Variants in TAFA5 observed in about 807,000 individuals in gnomAD.
TAFA5 encodes chemokine-like protein TAFA-5.
Under a neutral mutation model 15.3 loss-of-function variants are expected in TAFA5, and 6 were observed. The observed-to-expected ratio is 0.39, with a 90% confidence interval of 0.21 to 0.77. The LOEUF (loss-of-function observed/expected upper bound fraction) is 0.77, where lower values mean the gene tolerates loss of function less well. Ranked by LOEUF, TAFA5 falls within the 30% of genes least tolerant of loss-of-function variation. The pLI is 0.41. For synonymous variants in TAFA5, 103 were observed against 80.7 expected (o/e 1.28, Z -1.48); for missense variants, 161 against 193.1 (o/e 0.83, Z 0.98).
intron 3 of TAFA5, among the ~76,000 whole-genome samples, chr22:48,730,582 C>T (rs193114396): frequency 6.6e-6 from 1 of 152,194 alleles, no homozygotes; most frequent in Non-Finnish European, 1.5e-5. Context: ...ATGTTTTCAA[C>T]AGCGTATGCT....
intron 3 of TAFA5, among the ~76,000 whole-genome samples, chr22:48,724,222 G>A (rs1191677808): frequency 6.6e-6 from 1 of 152,238 alleles, no homozygotes; most frequent in African/African-American, 2.4e-5. Flanking sequence ...TCAGGGTACT[G>A]CTTGCATTGC....
At chr22:48,692,661 C>G (rs1166285222) in intron 2 of TAFA5, among the ~76,000 whole-genome samples, 1 of 152,216 alleles carries the variant, frequency 6.6e-6, no homozygotes, top group Non-Finnish European at 1.5e-5. Context: ...GCAGTGGCAG[C>G]AGGGCACAGC....
intron 1 of TAFA5, among the ~76,000 whole-genome samples, chr22:48,558,684 C>T (rs939945306): frequency 2.6e-5 from 4 of 152,174 alleles, no homozygotes; most frequent in East Asian, 1.9e-4. Flanking sequence ...GACTCGAATG[C>T]GGAGACATGG....
At chr22:48,671,239 C>T (rs1007619932) in intron 2 of TAFA5, among the ~76,000 whole-genome samples, 1 of 152,170 alleles carries the variant, frequency 6.6e-6, no homozygotes, top group Non-Finnish European at 1.5e-5. Context: ...GCCAGGAGGA[C>T]CAGAATGAGC....
chr22:48,616,504 C>G (rs28464561), intron 1 of TAFA5, among the ~76,000 whole-genome samples: 1 of 151,666 alleles, frequency 6.6e-6, no homozygotes, highest in Non-Finnish European at 1.5e-5. Context: ...CCCATGCACT[C>G]GGGATGCTCC....
At chr22:48,702,106 G>T (rs1928926092) in intron 2 of TAFA5, among the ~76,000 whole-genome samples, 1 of 144,308 alleles carries the variant, frequency 6.9e-6, no homozygotes, top group African/African-American at 2.7e-5. Context: ...CTGCAAGAGG[G>T]CACACAGTGG....
chr22:48,575,014 G>A (rs1247512929), intron 1 of TAFA5, among the ~76,000 whole-genome samples: 2 of 152,108 alleles, frequency 1.3e-5, no homozygotes, highest in Admixed American at 6.5e-5. Context: ...GCAGGTGTGA[G>A]TGTGTTTGTG....
chr22:48,493,720 T>G (rs1363581736), intron 1 of TAFA5, among the ~76,000 whole-genome samples: 1 of 152,240 alleles, frequency 6.6e-6, no homozygotes, highest in African/African-American at 2.4e-5. Flanking sequence ...GGATTTCTTT[T>G]AGCCGACATC....
intron 1 of TAFA5, among the ~76,000 whole-genome samples, chr22:48,633,532 G>GTCTGTCTGTCTGTCTCTCTCTCTC (rs1555894461): frequency 7.2e-6 from 1 of 138,768 alleles, no homozygotes; most frequent in East Asian, 2.3e-4. Context: ...CTGTCTGTCT[G>GTCTGTCTGTCTGTCTCTCTCTCTC]TCTCTCCCTC....
intron 1 of TAFA5, among the ~76,000 whole-genome samples, chr22:48,634,250 A>C (rs1283096024): frequency 6.6e-6 from 1 of 151,846 alleles, no homozygotes; most frequent in Non-Finnish European, 1.5e-5. Flanking sequence ...TCACTTATTC[A>C]ATCATTTACT....
At chr22:48,531,556 C>T (rs1921973282) in intron 1 of TAFA5, among the ~76,000 whole-genome samples, 2 of 152,120 alleles carry the variant, frequency 1.3e-5, no homozygotes, top group Admixed American at 6.5e-5. Context: ...TTGGCATTGG[C>T]GTCAGGTTGG....
intron 1 of TAFA5, among the ~76,000 whole-genome samples, chr22:48,615,143 A>G (rs56768617): frequency 6.6e-6 from 1 of 152,078 alleles, no homozygotes; most frequent in African/African-American, 2.4e-5. Flanking sequence ...TCCTGAACCC[A>G]GGCTGCCTGG....
intron 2 of TAFA5, among the ~76,000 whole-genome samples, chr22:48,667,411 C>T (rs941088031): frequency 2.0e-5 from 3 of 152,178 alleles, no homozygotes; most frequent in African/African-American, 7.2e-5. Context: ...TAATAAAATT[C>T]CATTTCCTGA....
At position 48,588,858 on chromosome 22, in the gene TAFA5, G is replaced by A. The variant is rs146356579; in HGVS notation, c.113-57739G>A. 1.6e-4 allele frequency among the ~76,000 whole-genome samples: 24 copies of A among 152,158 alleles called. No individual in the cohort carries two copies. In the East Asian group the frequency reaches 3.1e-3, roughly 20 times the overall value. On this transcript the variant is annotated intron_variant, in intron 1 of 3. Transcript: ENST00000402357. Reference sequence around the variant, plus strand: ...CCGCATGGAGCCAACCTGGCCCCCCGTGATCTTCCCTGGGTATATTTAGAA... The same window carrying A: ...CCGCATGGAGCCAACCTGGCCCCCCATGATCTTCCCTGGGTATATTTAGAA...
chr22:48,666,221 C>A (rs1305199686), intron 2 of TAFA5, among the ~76,000 whole-genome samples: 2 of 152,248 alleles, frequency 1.3e-5, no homozygotes, highest in African/African-American at 2.4e-5. Context: ...GTTCTGGGGC[C>A]ATGTCTTCCC....
At chr22:48,635,636 C>T (rs942163377) in intron 1 of TAFA5, among the ~76,000 whole-genome samples, 1 of 152,240 alleles carries the variant, frequency 6.6e-6, no homozygotes, top group Admixed American at 6.5e-5. Flanking sequence ...GCATTGCACC[C>T]ATGCTCAGTC....
intron 2 of TAFA5, among the ~76,000 whole-genome samples, chr22:48,681,294 G>A (rs1928175428): frequency 6.6e-6 from 1 of 152,102 alleles, no homozygotes; most frequent in South Asian, 2.1e-4. Flanking sequence ...TCCAACCCGT[G>A]AGGACACGCA....
At chr22:48,548,534 G>T (rs1922753463) in intron 1 of TAFA5, among the ~76,000 whole-genome samples, 1 of 152,204 alleles carries the variant, frequency 6.6e-6, no homozygotes. Flanking sequence ...GCTACAGTGG[G>T]GTCAGACTGG....
chr22:48,642,263 G>A (rs1156433788), intron 1 of TAFA5, among the ~76,000 whole-genome samples: 1 of 152,190 alleles, frequency 6.6e-6, no homozygotes, highest in East Asian at 1.9e-4. Context: ...GGGGACCCCA[G>A]AACCTCCCAA....
Sources: gnomAD v4.1 joint callset for allele counts (sites outside exome capture counted in the v4.1 genomes callset) on GRCh38, gnomAD v4.1.1 for gene constraint, MANE v1.5 for transcripts, NCBI Gene and HGNC (gene_info 2026-07-23, HGNC 2026-07-21) for gene names.